The following NCOA3 variants were observed in gnomAD, a reference collection of about 807,000 sequenced individuals.
NCOA3 encodes CBP-interacting protein.
A neutral mutation model predicts 158.8 loss-of-function variants in NCOA3; 51 were observed. The observed-to-expected ratio is 0.32, with a 90% CI of 0.26 to 0.41. NCOA3 has a LOEUF of 0.41. Among genes scored for constraint, NCOA3 ranks in the 10% least tolerant of loss-of-function variants. NCOA3 has a pLI of 1.00. For synonymous variants in NCOA3, 537 were observed against 592.4 expected (o/e 0.91, Z 1.36); for missense variants, 1,510 against 1,746.6 (o/e 0.86, Z 2.41).
Position 47,550,368 on chromosome 20 carries a change from C to T in NCOA3, c.-98-32815C>T, listed in dbSNP as rs377274872. On this transcript the variant is annotated intron_variant, in intron 1 of 22. Transcript: ENST00000371998. ...CTGAGGCAGGAGAATTGCTTGAATC[C>T]GGGAGGCAGAGGTTGCTGTGAGCTG... Among the ~76,000 whole-genome samples, 8 of 142,564 alleles carry T rather than the reference C, an allele frequency of 5.6e-5. 1 individual carries two copies. The highest frequency in any genetic ancestry group is 2.3e-4 in the East Asian group (1 of 4,396). 93.5% of individuals were successfully genotyped at this position (142,564 alleles called of 152,430 possible). A position where few individuals can be genotyped will look rare whatever the true frequency, so the allele number is the denominator to read the frequency against.
intron 1 of NCOA3, among the ~76,000 whole-genome samples, chr20:47,537,143 A>G (rs1230003916): frequency 6.6e-6 from 1 of 152,048 alleles, no homozygotes; most frequent in Non-Finnish European, 1.5e-5. Flanking sequence ...CTTCATATTT[A>G]TAGATGCTGT....
intron 2 of NCOA3, among the ~76,000 whole-genome samples, chr20:47,608,514 G>A (rs1228054838): frequency 2.6e-5 from 4 of 151,372 alleles, no homozygotes; most frequent in Admixed American, 1.3e-4. Flanking sequence ...TGGCACATGC[G>A]TGTGGTTCCA....
At chr20:47,614,840 G>A (rs1281529035) in intron 2 of NCOA3, among the ~76,000 whole-genome samples, 1 of 152,086 alleles carries the variant, frequency 6.6e-6, no homozygotes, top group African/African-American at 2.4e-5. Flanking sequence ...TATCTGCTGA[G>A]CTTGAGCAAC....
At chr20:47,537,763 TAG>T (rs1159675803) in intron 1 of NCOA3, among the ~76,000 whole-genome samples, 1 of 152,030 alleles carries the variant, frequency 6.6e-6, no homozygotes, top group Non-Finnish European at 1.5e-5. Context: ...CTACTTTTAG[TAG>T]AGATTGGGTT....
At chr20:47,523,260 C>G (rs1419085299) in intron 1 of NCOA3, among the ~76,000 whole-genome samples, 4 of 152,146 alleles carry the variant, frequency 2.6e-5, no homozygotes, top group Admixed American at 2.0e-4. Context: ...GGAGATGCCA[C>G]ACTAACTGTT....
chr20:47,631,889 T>C (rs1294748403), intron 8 of NCOA3, among the ~76,000 whole-genome samples: 1 of 152,248 alleles, frequency 6.6e-6, no homozygotes, highest in East Asian at 1.9e-4. Flanking sequence ...GGGAAAACAC[T>C]GTTTTTCTAC....
At chr20:47,542,471 T>C (rs1388021101) in intron 1 of NCOA3, among the ~76,000 whole-genome samples, 2 of 152,184 alleles carry the variant, frequency 1.3e-5, no homozygotes, top group Non-Finnish European at 2.9e-5. Context: ...AGTTTCTGGT[T>C]CAGTTATTTT....
intron 1 of NCOA3, among the ~76,000 whole-genome samples, chr20:47,563,907 AAG>A (rs2085150820): frequency 1.4e-5 from 2 of 147,248 alleles, no homozygotes; most frequent in African/African-American, 2.6e-5. Context: ...AAAAAAAAGA[AAG>A]AAAAAAGAAA....
rs2085006499 is a variant in NCOA3, at chr20:47,556,311, T to A, written c.-98-26872T>A. Among the ~76,000 whole-genome samples the A allele has an allele frequency of 2.0e-5, 3 of 152,218 alleles. No individual in the cohort carries two copies. In the South Asian group the frequency reaches 6.2e-4, roughly 31 times the overall value. On this transcript the variant is annotated intron_variant, in intron 1 of 22. Transcript: ENST00000371998. Reference sequence around the variant, plus strand: ...ACAAGAAGGGGAAGAGTTTTTATGATGGAACTGTTTATGTGGCAAGTAATT... The same window carrying A: ...ACAAGAAGGGGAAGAGTTTTTATGAAGGAACTGTTTATGTGGCAAGTAATT...
chr20:47,560,032 C>T (rs568107535), intron 1 of NCOA3, among the ~76,000 whole-genome samples: 1 of 152,190 alleles, frequency 6.6e-6, no homozygotes, highest in Non-Finnish European at 1.5e-5. Context: ...TCAGTCCACC[C>T]ACCTTGGCCT....
At position 47,635,948 on chromosome 20, in the gene NCOA3, G is replaced by T. The variant is rs2086506497; in HGVS notation, c.1562G>T (p.Ser521Ile). 1 of 1,613,992 alleles carries T rather than the reference G, an allele frequency of 6.2e-7. No individual in the cohort carries two copies. Among genetic ancestry groups the T allele is most frequent in the Non-Finnish European group, 8.5e-7 (1 of 1,179,952 alleles). Residue 521 changes from serine (S) to isoleucine (I), a missense_variant, in exon 12 of 23, where the codon AGC (serine) becomes ATC (isoleucine). Around this residue, in one of 4 missense-constraint regions of NCOA3, gnomAD observed 1,017 missense variants for 1,098.3 expected, o/e 0.93. Transcript: ENST00000371998. ...ACTGGGAACCACAGCTTTTCCAGCA[G>T]CTCTCTCAGTGCCCTGCAAGCCATC... The part of the protein sequence containing the change: ...GNTGNHSFSS[S>I]SLSALQAISE...
At chr20:47,582,030 T>C (rs780737249) in intron 1 of NCOA3, among the ~76,000 whole-genome samples, 1 of 152,168 alleles carries the variant, frequency 6.6e-6, no homozygotes, top group African/African-American at 2.4e-5. Flanking sequence ...TATTCTCTGT[T>C]GAGCACTGAT....
chr20:47,602,100 G>A (rs181887512), intron 2 of NCOA3, among the ~76,000 whole-genome samples: 1 of 152,304 alleles, frequency 6.6e-6, no homozygotes, highest in Non-Finnish European at 1.5e-5. Context: ...TGGAAGATCA[G>A]CAATGCAGGC....
chr20:47,650,490 A>T (rs1018065416), intron 19 of NCOA3, among the ~76,000 whole-genome samples: 2 of 151,682 alleles, frequency 1.3e-5, no homozygotes, highest in African/African-American at 4.8e-5. Flanking sequence ...ACCTCAAGTG[A>T]TCCGCCCACC....
intron 1 of NCOA3, among the ~76,000 whole-genome samples, chr20:47,513,128 C>T (rs1270751052): frequency 6.6e-6 from 1 of 152,026 alleles, no homozygotes; most frequent in East Asian, 1.9e-4. Flanking sequence ...GAGATCCCAC[C>T]ACTGCACTCC....
At chr20:47,545,166 T>G (rs373593915) in intron 1 of NCOA3, among the ~76,000 whole-genome samples, 2 of 141,772 alleles carry the variant, frequency 1.4e-5, no homozygotes, top group African/African-American at 5.3e-5. Flanking sequence ...TGTTTAGATA[T>G]CCATAGGATT....
intron 1 of NCOA3, among the ~76,000 whole-genome samples, chr20:47,571,312 TTTTC>T (rs1372673181): frequency 6.0e-5 from 9 of 150,688 alleles, no homozygotes; most frequent in East Asian, 2.0e-4. Flanking sequence ...GCTAATTTTC[TTTTC>T]TTTCTTTTTT....
At chr20:47,522,727 G>A (rs117020873) in intron 1 of NCOA3, among the ~76,000 whole-genome samples, 3 of 151,920 alleles carry the variant, frequency 2.0e-5, no homozygotes, top group African/African-American at 4.8e-5. Flanking sequence ...GGGGATATGT[G>A]GGGGAGGCCA....
rs1027950481 is a variant in NCOA3 at position 47,640,756 on chromosome 20, T to C, written c.3080+705T>C. 6.1e-5 allele frequency among the ~76,000 whole-genome samples: 9 copies of C among 147,868 alleles called. No individual in the cohort carries two copies. The Admixed American group carries it at 6.1e-4, about 10-fold the overall frequency. Reference sequence around the variant, plus strand: ...AAAAAAAATTAGCCGGGTGTGGTGGTGTGTGCCTGTAGTCCCAGCTACTCA... The same window carrying C: ...AAAAAAAATTAGCCGGGTGTGGTGGCGTGTGCCTGTAGTCCCAGCTACTCA... On this transcript the variant is annotated intron_variant, in intron 16 of 22. Coordinates refer to ENST00000371998, the MANE Select transcript of NCOA3 (RefSeq NM_181659.3).
Sources: gnomAD v4.1 joint callset for allele counts (sites outside exome capture counted in the v4.1 genomes callset) on GRCh38, gnomAD v4.1.1 for gene constraint, gnomAD v4.1.1 regional missense constraint, MANE v1.5 for transcripts, NCBI Gene and HGNC (gene_info 2026-07-23, HGNC 2026-07-21) for gene names.